Variants in STKLD1 observed in about 807,000 individuals in gnomAD.
STKLD1 encodes the protein serine/threonine kinase like domain containing 1, also known as serine/threonine kinase-like domain-containing protein STKLD1.
STKLD1 carries 79 observed loss-of-function variants against 80.4 expected under a neutral mutation model. The ratio of observed to expected loss-of-function variants is 0.98; its 90% CI spans 0.82 to 1.19. The LOEUF (loss-of-function observed/expected upper bound fraction) is 1.19, where lower values mean the gene tolerates loss of function less well. Among genes scored for constraint, STKLD1 ranks in the 50% most tolerant of loss-of-function variants. The pLI, the probability that STKLD1 is intolerant of heterozygous loss-of-function variation, is 0.00. For synonymous variants in STKLD1, 393 were observed against 357.6 expected (o/e 1.10, Z -1.12); for missense variants, 841 against 856.0 (o/e 0.98, Z 0.22).
chr9:133,390,191 TAAAACACACACAC>T lies in STKLD1; in HGVS notation c.468-488_468-476del, dbSNP rs1427677693. ...CACTTCAGCCTGGGCAACCCTGACT[TAAAACACACACAC>T]ACACACACACACACACACACACACA... is the stretch of plus-strand genomic sequence containing the variant. On this transcript the variant is annotated intron_variant, in intron 6 of 17. Coordinates refer to ENST00000371957, the MANE Select transcript of STKLD1 (RefSeq NM_153710.5). This position sits in a 1 kb window ranked among gnomAD's most constrained non-coding sequence, Gnocchi z 5.1. Among the ~76,000 whole-genome samples, 15 of 122,058 alleles carry T rather than the reference TAAAACACACACAC, an allele frequency of 1.2e-4. No homozygotes were observed. The highest frequency in any genetic ancestry group is 3.9e-4 in the African/African-American group (12 of 31,106). The allele number at this position is 122,058 out of a possible 152,430, so 80.1% of individuals were successfully genotyped here. A position where few individuals can be genotyped will look rare whatever the true frequency, so the allele number is the denominator to read the frequency against.
chr9:133,386,044 G>A (rs2130276490), intron 4 of STKLD1, among the ~76,000 whole-genome samples: 4 of 151,864 alleles, frequency 2.6e-5, no homozygotes, highest in Non-Finnish European at 5.9e-5. Flanking sequence ...TCAGCCTCCC[G>A]AGTAGCCAGG....
chr9:133,392,081 T>TA (rs1470926040), intron 7 of STKLD1, among the ~76,000 whole-genome samples: 4 of 149,264 alleles, frequency 2.7e-5, no homozygotes, highest in African/African-American at 9.8e-5. Flanking sequence ...GTCCTTTTTT[T>TA]TTTTTTTTTT....
At chr9:133,392,642 GGTGGGTGGGT>G in intron 7 of STKLD1, among the ~76,000 whole-genome samples, 9 of 111,284 alleles carry the variant, frequency 8.1e-5, no homozygotes, top group African/African-American at 2.1e-4. Context: ...TGGATGGATA[GGTGGGTGGGT>G]GAGTGGATGG....
At chr9:133,395,472 C>T (rs587710943) in intron 8 of STKLD1, 128 bp from the exon 9 acceptor site, 189 of 971,082 alleles carry the variant, frequency 1.9e-4, no homozygotes, top group African/African-American at 8.6e-4. Flanking sequence ...TTCTTGTAGA[C>T]GGTGGCCACA....
chr9:133,378,021 C>G (rs1333156764), intron 1 of STKLD1, among the ~76,000 whole-genome samples: 1 of 152,208 alleles, frequency 6.6e-6, no homozygotes, highest in Non-Finnish European at 1.5e-5. Flanking sequence ...CCATGAGAAT[C>G]TAATGCTGCT....
intron 14 of STKLD1, 34 bp downstream of exon 14, chr9:133,403,046 C>T (rs781825738): frequency 2.9e-5 from 45 of 1,535,884 alleles, no homozygotes; most frequent in Non-Finnish European, 2.9e-5. Context: ...CCCACCGGGG[C>T]TGGCAGCCCT....
chr9:133,376,399 A>G lies in STKLD1; in HGVS notation c.-75A>G, dbSNP rs2130247290. On this transcript the variant is annotated 5_prime_UTR_variant, in exon 1 of 18. Transcript: ENST00000371957. ...CGAGGGCGCCGTTCGGGCGGGGAGG[A>G]TCCCGCGGGTCCCACTGACCCACGC... is the stretch of plus-strand genomic sequence containing the variant. 0.078 allele frequency: 112,558 copies of G among 1,450,424 alleles called. 4,911 individuals are homozygous for G. The highest frequency in any genetic ancestry group is 0.089 in the Non-Finnish European group (97,493 of 1,098,018). 89.8% of individuals were successfully genotyped at this position (1,450,424 alleles called of 1,614,324 possible).
chr9:133,391,710 AG>A (rs1838402184), intron 7 of STKLD1, among the ~76,000 whole-genome samples: 1 of 151,886 alleles, frequency 6.6e-6, no homozygotes, highest in Non-Finnish European at 1.5e-5. Context: ...TCAAGTACCC[AG>A]GGACACAAAC....
At chr9:133,382,603 TG>T (rs1175109062) in intron 2 of STKLD1, among the ~76,000 whole-genome samples, 1 of 149,230 alleles carries the variant, frequency 6.7e-6, no homozygotes, top group Admixed American at 6.7e-5. Flanking sequence ...ATGATGGTGA[TG>T]GTGGTCATGG....
rs370556421 is a variant in STKLD1 at position 133,398,240 on chromosome 9, G to A, written c.1081+185G>A. Among the ~76,000 whole-genome samples the A allele has an allele frequency of 3.3e-5, 5 of 152,350 alleles. No homozygotes were observed. The East Asian group carries it at 7.7e-4, about 23-fold the overall frequency. On this transcript the variant is annotated intron_variant, in intron 11 of 17. Coordinates refer to ENST00000371957, the MANE Select transcript of STKLD1 (RefSeq NM_153710.5). ...CTCTGCTATCTGCCTGGGGAAGACA[G>A]CAGAGAAGGGGAATGGGTGGTGTGG...
At chr9:133,381,439 C>CCGGCCA (rs1425377681) in intron 2 of STKLD1, among the ~76,000 whole-genome samples, 1 of 127,914 alleles carries the variant, frequency 7.8e-6, no homozygotes, top group East Asian at 2.3e-4. Flanking sequence ...GTGAGCCACC[C>CCGGCCA]CACCCAGCCG....
chr9:133,402,017 G>A (rs1838719083), intron 13 of STKLD1, 139 bp downstream of exon 13: 1 of 1,114,248 alleles, frequency 9.0e-7, no homozygotes, highest in East Asian at 2.6e-5. Flanking sequence ...GGTGGCATTT[G>A]GCCGTCTTCA....
intron 2 of STKLD1, 76 bp from the exon 3 acceptor site, chr9:133,383,780 T>C: frequency 7.2e-7 from 1 of 1,379,978 alleles, no homozygotes; most frequent in Non-Finnish European, 1.0e-6. Context: ...ATGGTCGTTG[T>C]GGTGGTGGTG....
At chr9:133,405,207 C>A (rs371571228) in intron 17 of STKLD1, 45 bp from the exon 18 acceptor site, 741 of 1,549,244 alleles carry the variant, frequency 4.8e-4, no homozygotes, top group Non-Finnish European at 6.2e-4. Flanking sequence ...TGGCAAGGGG[C>A]ACAGGAAGGA....
chr9:133,383,760 G>C (rs2119212863), intron 2 of STKLD1, 96 bp from the exon 3 acceptor site: 1 of 1,174,946 alleles, frequency 8.5e-7, no homozygotes, highest in African/African-American at 1.5e-5. Flanking sequence ...TGGCTGTGCA[G>C]ATGATGGTAA....
rs1012569450 is a variant in STKLD1, at chr9:133,390,533, G to A, written c.468-148G>A. On this transcript the variant is annotated intron_variant, in intron 6 of 17. Coordinates refer to ENST00000371957, the MANE Select transcript of STKLD1 (RefSeq NM_153710.5). This position sits in a 1 kb window ranked among gnomAD's most constrained non-coding sequence, Gnocchi z 5.1. ...AGATGGGGCATTTTGTGGAGGAGAG[G>A]AGGATGTGGGCTGCTGCTGCAGAAC... 3.1e-6 allele frequency: 2 copies of A among 647,464 alleles called. No individual in the cohort carries two copies. The highest frequency in any genetic ancestry group is 2.6e-5 in the East Asian group (1 of 38,506). 40.1% of individuals were successfully genotyped at this position (647,464 alleles called of 1,614,324 possible).
Position 133,405,403 on chromosome 9 carries a change from G to T in STKLD1, c.2025G>T (p.Thr675=), listed in dbSNP as rs201065855. Residue 675 remains threonine, a synonymous_variant, in exon 18 of 18, where the codon ACG becomes ACT. Coordinates refer to ENST00000371957, the MANE Select transcript of STKLD1 (RefSeq NM_153710.5). ...PGGSPQLGCT[T]SGGLE ...GAAGCCCCCAGCTGGGGTGCACCACGTCTGGGGGACTGGAATAGATGTTTG... is the reference window on the plus strand; with the variant it reads ...GAAGCCCCCAGCTGGGGTGCACCACTTCTGGGGGACTGGAATAGATGTTTG... 23 of 1,609,300 alleles carry T rather than the reference G, an allele frequency of 1.4e-5. 1 individual carries two copies. The Middle Eastern group carries it at 8.3e-4, about 58-fold the overall frequency.
rs1554777453 is a variant in STKLD1 at position 133,400,531 on chromosome 9, TG to T, written c.1198+5del. 1 of 1,610,256 alleles carries T rather than the reference TG, an allele frequency of 6.2e-7. No homozygotes were observed. The highest frequency in any genetic ancestry group is 8.5e-7 in the Non-Finnish European group (1 of 1,178,178). ...TGCTGCTGCACCTCCTGGGCCAAGG[TG>T]GGTGCCAAACCAGGCCAGATGGGGT... On this transcript the variant is annotated splice_donor_region_variant and intron_variant, in intron 12 of 17. Coordinates refer to ENST00000371957, the MANE Select transcript of STKLD1 (RefSeq NM_153710.5).
intron 10 of STKLD1, 140 bp downstream of exon 10, chr9:133,397,434 T>C: frequency 8.7e-7 from 1 of 1,153,388 alleles, no homozygotes; most frequent in South Asian, 1.5e-5. Context: ...TAGGAACAGT[T>C]TCCCTCCATC....
Sources: allele counts gnomAD v4.1 joint callset (sites outside exome capture counted in the v4.1 genomes callset), GRCh38; gene constraint gnomAD v4.1.1; non-coding constraint Gnocchi (gnomAD v3.1); transcripts MANE v1.5; gene names NCBI Gene and HGNC (gene_info 2026-07-23, HGNC 2026-07-21).